AHNAK: variants seen among roughly 807,000 people sequenced by gnomAD.
AHNAK encodes neuroblast differentiation-associated protein AHNAK.
A neutral mutation model predicts 37.8 loss-of-function variants in AHNAK; 23 were observed. The ratio of observed to expected loss-of-function variants is 0.61; its 90% CI spans 0.44 to 0.86. The LOEUF is 0.86. Ranked by LOEUF, AHNAK falls within the 40% of genes least tolerant of loss-of-function variation. The probability of loss-of-function intolerance (pLI) is 0.00; values close to 1 mark genes in which losing one functional copy is unlikely to be tolerated. For synonymous variants in AHNAK, 2,481 were observed against 2,636.3 expected (o/e 0.94, Z 1.80); for missense variants, 7,411 against 7,319.4 (o/e 1.01, Z -0.46).
In AHNAK at chr11:62,529,922, C is replaced by A. The variant is rs1247270297; in HGVS notation, c.4495G>T (p.Val1499Leu). Residue 1499 changes from valine to leucine, a missense_variant, in exon 5 of 5, where the codon GTG becomes TTG. By Grantham distance (32) the Val-to-Leu change is conservative. Transcript: ENST00000378024. ...TGCCAGTCTGGGCCATGAACCTCCA[C>A]ATCTGGTGCATTAATATCAACTTTG... The part of the protein sequence containing the change: ...GPKVDINAPD[V>L]EVHGPDWHLK... 1 of 1,612,694 alleles carries A rather than the reference C, an allele frequency of 6.2e-7. No homozygotes were observed. The highest frequency in any genetic ancestry group is 2.2e-5 in the East Asian group (1 of 44,764).
chr11:62,480,249 T>C (rs543426489), intron 5 of AHNAK, among the ~76,000 whole-genome samples: 1 of 152,310 alleles, frequency 6.6e-6, no homozygotes, highest in South Asian at 2.1e-4. Flanking sequence ...TAGCAGTTGA[T>C]ACTTTAGGGG....
intron 5 of AHNAK, among the ~76,000 whole-genome samples, chr11:62,474,620 C>T (rs532254732): frequency 1.1e-4 from 16 of 152,278 alleles, no homozygotes; most frequent in African/African-American, 3.1e-4. Flanking sequence ...TCCCCACCTG[C>T]GAATGGACAC....
At chr11:62,543,947 T>C (rs1452737137) in intron 1 of AHNAK, among the ~76,000 whole-genome samples, 2 of 151,626 alleles carry the variant, frequency 1.3e-5, no homozygotes, top group South Asian at 2.1e-4. Context: ...CCATAAGGAG[T>C]AGGACTAGCT....
At chr11:62,465,706 A>G (rs181732836) in intron 5 of AHNAK, among the ~76,000 whole-genome samples, 1 of 152,296 alleles carries the variant, frequency 6.6e-6, no homozygotes, top group East Asian at 1.9e-4. Flanking sequence ...TGATCTAATG[A>G]CTGGTGTCCT....
intron 5 of AHNAK, among the ~76,000 whole-genome samples, chr11:62,478,523 T>A (rs1180560189): frequency 6.6e-6 from 1 of 152,020 alleles, no homozygotes; most frequent in African/African-American, 2.4e-5. Flanking sequence ...GAGATGGAGA[T>A]TGCTTGAGCC....
Position 62,521,030 on chromosome 11 carries a change from C to T in AHNAK, c.13387G>A (p.Asp4463Asn). The T allele has an allele frequency of 6.2e-7, 1 of 1,614,084 alleles. No homozygotes were observed. Among genetic ancestry groups the T allele is most frequent in the African/African-American group, 1.3e-5 (1 of 75,014 alleles). The change falls in exon 5 of 5, where the codon GAC becomes AAC. Residue 4463 changes from aspartate (D) to asparagine (N), a missense_variant. Physicochemically the swap from Asp to Asn is conservative, Grantham distance 23. Coordinates refer to ENST00000378024, the MANE Select transcript of AHNAK (RefSeq NM_001620.3). ...GGACCTTTCAGGTGCAAATCAAAGTCAGGCATAGAGATTTTGGGAGCTTTG... is the reference window on the plus strand; with the variant it reads ...GGACCTTTCAGGTGCAAATCAAAGTTAGGCATAGAGATTTTGGGAGCTTTG... ...NIKAPKISMP[D>N]FDLHLKGPKV...
downstream of AHNAK, among the ~76,000 whole-genome samples, chr11:62,512,054 C>T (rs545655264): frequency 1.6e-4 from 25 of 152,316 alleles, no homozygotes; most frequent in Admixed American, 3.3e-4. This position sits in a 1 kb window ranked among gnomAD's most constrained non-coding sequence, Gnocchi z 4.0. Context: ...ACCATGTTGC[C>T]CAGGCTGGTC....
chr11:62,523,468 G>T lies in AHNAK; in HGVS notation c.10949C>A (p.Pro3650Gln), dbSNP rs764607602. 5.6e-6 allele frequency: 9 copies of T among 1,613,576 alleles called. No individual in the cohort carries two copies. The highest frequency in any genetic ancestry group is 5.9e-6 in the Non-Finnish European group (7 of 1,179,912). ...VDVPDVNIEGPDAKLKGPKFK... is the reference protein window; with the variant it reads ...VDVPDVNIEGQDAKLKGPKFK... ...CTTGGGGCCCTTCAGCTTTGCATCT[G>T]GACCTTCAATATTCACGTCTGGAAC... is the stretch of plus-strand genomic sequence containing the variant. Residue 3650 changes from proline to glutamine, a missense_variant, in exon 5 of 5, where the codon CCA becomes CAA. Pro to Gln is a moderately conservative substitution (Grantham distance 76). Coordinates refer to ENST00000378024, the MANE Select transcript of AHNAK (RefSeq NM_001620.3).
At position 62,456,159 on chromosome 11, in the gene AHNAK, C is replaced by G. The variant is rs924613500; in HGVS notation, c.443-22268G>C. ...CATCTGCAAGCCGAGAGAGGCCTCTCGGGAAGCTAACCCTGCAGACACCTT... is the reference window on the plus strand; with the variant it reads ...CATCTGCAAGCCGAGAGAGGCCTCTGGGGAAGCTAACCCTGCAGACACCTT... On this transcript the variant is annotated intron_variant, in intron 5 of 5. Coordinates refer to the AHNAK transcript ENST00000257247. Among the ~76,000 whole-genome samples, 7 of 152,252 alleles carry G rather than the reference C, an allele frequency of 4.6e-5. No individual in the cohort carries two copies. In the East Asian group the frequency reaches 1.4e-3, roughly 29 times the overall value.
At chr11:62,464,656 A>G (rs1938866238) in intron 5 of AHNAK, among the ~76,000 whole-genome samples, 1 of 142,436 alleles carries the variant, frequency 7.0e-6, no homozygotes, top group African/African-American at 2.5e-5. Context: ...CAACAGACCA[A>G]GATTCCGTCT....
intron 4 of AHNAK, among the ~76,000 whole-genome samples, chr11:62,496,827 A>C (rs1334921598): frequency 1.3e-5 from 2 of 150,888 alleles, no homozygotes; most frequent in South Asian, 2.1e-4. Context: ...GAAAAAGAAG[A>C]AAGAAAGGAA....
chr11:62,466,930 T>C (rs964575827), intron 5 of AHNAK, among the ~76,000 whole-genome samples: 29 of 152,202 alleles, frequency 1.9e-4, no homozygotes, highest in African/African-American at 6.8e-4. Context: ...AACATACCTG[T>C]TAATTATTTG....
Position 62,523,329 on chromosome 11 carries a change from C to T in AHNAK, c.11088G>A (p.Val3696=). The T allele has an allele frequency of 6.2e-7, 1 of 1,613,090 alleles. No homozygotes were observed. Among genetic ancestry groups the T allele is most frequent in the Non-Finnish European group, 8.5e-7 (1 of 1,179,700 alleles). The part of the protein sequence containing the change: ...KGDVVVSLPK[V]EGDLKGPEVD... ...CCTCAGGGCCTTTTAGATCACCTTC[C>T]ACTTTGGGCAAAGACACAACCACAT... The change falls in exon 5 of 5, where the codon GTG becomes GTA. Residue 3696 remains valine (V), a synonymous_variant. Transcript: ENST00000378024.
At chr11:62,470,057 C>T (rs1170592866) in intron 5 of AHNAK, among the ~76,000 whole-genome samples, 4 of 152,152 alleles carry the variant, frequency 2.6e-5, no homozygotes, top group Non-Finnish European at 1.5e-5. Context: ...GTAATCCCAG[C>T]ACTTTGGGAG....
chr11:62,514,731 G>C (rs972988088), downstream of AHNAK, among the ~76,000 whole-genome samples: 1 of 152,190 alleles, frequency 6.6e-6, no homozygotes, highest in African/African-American at 2.4e-5. Flanking sequence ...GAAAGAAGCT[G>C]TAGGTCGGTC....
At chr11:62,480,775 CT>C (rs1457216116) in intron 5 of AHNAK, among the ~76,000 whole-genome samples, 2 of 138,766 alleles carry the variant, frequency 1.4e-5, no homozygotes, top group Admixed American at 1.6e-4. Flanking sequence ...CCTGAGCTCT[CT>C]GCTATGCAAG....
Position 62,533,357 on chromosome 11 carries a change from G to A in AHNAK, c.1060C>T (p.Leu354=). ...TTGGCAGAGGGCACACTGACTTCCA[G>A]CTGAGGGGCTTGGATAGTCAAGCCT... The part of the protein sequence containing the change: ...KPGLTIQAPQ[L]EVSVPSANIE... Residue 354 remains leucine, a synonymous_variant, in exon 5 of 5, where the codon CTG becomes TTG. Coordinates refer to ENST00000378024, the MANE Select transcript of AHNAK (RefSeq NM_001620.3). The A allele has an allele frequency of 6.4e-7, 1 of 1,566,828 alleles. No homozygotes were observed. Among genetic ancestry groups the A allele is most frequent in the Non-Finnish European group, 8.6e-7 (1 of 1,157,762 alleles).
intron 2 of AHNAK, 59 bp from the exon 3 acceptor site, chr11:62,536,157 T>C: frequency 1.3e-6 from 2 of 1,491,650 alleles, no homozygotes; most frequent in Non-Finnish European, 1.8e-6. Context: ...CATGAGGGCA[T>C]GGGAAAGCTA....
rs1247555125 is a variant in AHNAK at position 62,534,050 on chromosome 11, G to A, written c.367C>T (p.Arg123Cys). The A allele has an allele frequency of 4.5e-6, 7 of 1,553,238 alleles. No homozygotes were observed. Among genetic ancestry groups the A allele is most frequent in the East Asian group, 2.3e-5 (1 of 44,320 alleles). ...GGCTTGATCTTCGTGGTGTAGATGC[G>A]CTGGTACTCCTCATCATCCCCGCTC... Reference protein sequence around the residue: ...VLSGDDEEYQRIYTTKIKPRL... With the variant: ...VLSGDDEEYQCIYTTKIKPRL... Residue 123 changes from arginine to cysteine, a missense_variant, in exon 5 of 5, where the codon CGC (arginine) becomes TGC (cysteine). Arg to Cys is a radical substitution (Grantham distance 180). Transcript: ENST00000378024.
Sources: allele counts gnomAD v4.1 joint callset (sites outside exome capture counted in the v4.1 genomes callset), GRCh38; gene constraint gnomAD v4.1.1; non-coding constraint Gnocchi (gnomAD v3.1); transcripts MANE v1.5; gene names NCBI Gene and HGNC (gene_info 2026-07-23, HGNC 2026-07-21).